The following CPSF6 variants were observed in gnomAD, a reference collection of about 807,000 sequenced individuals.
CPSF6 encodes cleavage and polyadenylation specificity factor subunit 6.
In CPSF6, 10 loss-of-function variants were observed where a neutral mutation model predicts 56.7. The observed-to-expected ratio is 0.18, with a 90% CI of 0.11 to 0.30. CPSF6 has a LOEUF of 0.30. Among genes scored for constraint, CPSF6 ranks in the 10% least tolerant of loss-of-function variants. The pLI, the probability that CPSF6 is intolerant of heterozygous loss-of-function variation, is 1.00. For synonymous variants in CPSF6, 248 were observed against 244.8 expected (o/e 1.01, Z -0.12); for missense variants, 419 against 722.9 (o/e 0.58, Z 4.82).
In CPSF6 at chr12:69,273,818, A is replaced by T. The variant is rs979528823; in HGVS notation, c.*4310A>T. 4 of 151,982 alleles carry T rather than the reference A, an allele frequency of 2.6e-5. No homozygotes were observed. Among genetic ancestry groups the T allele is most frequent in the Non-Finnish European group, 5.9e-5 (4 of 67,866 alleles). 9.4% of individuals were successfully genotyped at this position (151,982 alleles called of 1,614,324 possible). On this transcript the variant is annotated 3_prime_UTR_variant, in exon 10 of 10. Coordinates refer to ENST00000435070, the MANE Select transcript of CPSF6 (RefSeq NM_007007.3). Reference sequence around the variant, plus strand: ...AACATTGATAACTTTAGCCTTAAAAAAAAGGTCTATTATTCCTTCCTCTGC... The same window carrying T: ...AACATTGATAACTTTAGCCTTAAAATAAAGGTCTATTATTCCTTCCTCTGC...
intron 9 of CPSF6, among the ~76,000 whole-genome samples, chr12:69,266,624 T>A (rs900538754): frequency 5.9e-5 from 9 of 152,162 alleles, no homozygotes; most frequent in African/African-American, 1.9e-4. Context: ...AGAAACCTAA[T>A]AACCAAAAAG....
At chr12:69,242,346 T>C (rs371134211) in intron 1 of CPSF6, among the ~76,000 whole-genome samples, 2 of 152,218 alleles carry the variant, frequency 1.3e-5, no homozygotes, top group East Asian at 1.9e-4. Flanking sequence ...TGTCATACTT[T>C]TATGAAGCTT....
chr12:69,245,215 T>C lies in CPSF6; in HGVS notation c.60+5509T>C, dbSNP rs148020737. Among the ~76,000 whole-genome samples the C allele has an allele frequency of 7.5e-3, 1,148 of 152,304 alleles. 8 individuals are homozygous for C. The highest frequency in any genetic ancestry group is 0.026 in the African/African-American group (1,092 of 41,572). ...CTGTACATAATTGTATGTGCTATTC[T>C]TTTATATGACTGAGAGCACAGTAGG... On this transcript the variant is annotated intron_variant, in intron 1 of 9. Transcript: ENST00000435070.
At chr12:69,260,679 A>G (rs900242896) in intron 8 of CPSF6, among the ~76,000 whole-genome samples, 2 of 152,158 alleles carry the variant, frequency 1.3e-5, no homozygotes, top group East Asian at 3.8e-4. Context: ...TATTTCTTCC[A>G]TAGTACTTAC....
chr12:69,260,322 T>TG (rs1872691184), intron 8 of CPSF6, 125 bp downstream of exon 8: 4 of 704,486 alleles, frequency 5.7e-6, no homozygotes, highest in Non-Finnish European at 9.1e-6. Context: ...TGGAGTGGTT[T>TG]TTTTTTTTAA....
At position 69,239,612 on chromosome 12, in the gene CPSF6, G is replaced by T; in HGVS notation, c.-35G>T. On this transcript the variant is annotated 5_prime_UTR_variant, in exon 1 of 10. Transcript: ENST00000435070. The stretch of plus-strand genomic sequence containing the variant: ...GCCGCGGCGGGCAGACCTGCAGGAG[G>T]CGGCGGCGGCGGCGGCGGCCGAGGC... 1 of 1,330,684 alleles carries T rather than the reference G, an allele frequency of 7.5e-7. No individual in the cohort carries two copies. Among genetic ancestry groups the T allele is most frequent in the Non-Finnish European group, 1.0e-6 (1 of 989,990 alleles). The allele number at this position is 1,330,684 out of a possible 1,614,324, so 82.4% of individuals were successfully genotyped here.
chr12:69,256,962 C>A, intron 4 of CPSF6, 120 bp downstream of exon 4: 1 of 852,526 alleles, frequency 1.2e-6, no homozygotes, highest in Non-Finnish European at 1.8e-6. Flanking sequence ...TTCACAAAGT[C>A]CATGCTTTGA....
intron 1 of CPSF6, among the ~76,000 whole-genome samples, chr12:69,249,292 T>C (rs1872106107): frequency 6.6e-6 from 1 of 150,974 alleles, no homozygotes. Flanking sequence ...TAAATAAAAA[T>C]TAAAATTAAA....
At position 69,247,073 on chromosome 12, in the gene CPSF6, G is replaced by A. The variant is rs377067656; in HGVS notation, c.61-4056G>A. Among the ~76,000 whole-genome samples the A allele has an allele frequency of 8.5e-5, 13 of 152,284 alleles. No homozygotes were observed. The South Asian group carries it at 1.2e-3, about 15-fold the overall frequency. On this transcript the variant is annotated intron_variant, in intron 1 of 9. Transcript: ENST00000435070. Reference sequence around the variant, plus strand: ...AAGTTCATCCCAATAGTGGTATACAGTATGTATCGTATATCTGTGATATTA... The same window carrying A: ...AAGTTCATCCCAATAGTGGTATACAATATGTATCGTATATCTGTGATATTA...
At position 69,253,160 on chromosome 12, in the gene CPSF6, T is replaced by G; in HGVS notation, c.374+6T>G. ...GCAAATGGCCAGTCAAAGGGGTAAG[T>G]TTTTTTTTTCTTTCTTTTTGATTTA... is the stretch of plus-strand genomic sequence containing the variant. On this transcript the variant is annotated splice_donor_region_variant and intron_variant, in intron 3 of 9. Coordinates refer to ENST00000435070, the MANE Select transcript of CPSF6 (RefSeq NM_007007.3). The G allele has an allele frequency of 7.3e-7, 1 of 1,375,662 alleles. No individual in the cohort carries two copies. The highest frequency in any genetic ancestry group is 1.0e-6 in the Non-Finnish European group (1 of 995,982). 85.2% of individuals were successfully genotyped at this position (1,375,662 alleles called of 1,614,324 possible).
At chr12:69,259,949 T>C in intron 7 of CPSF6, 95 bp from the exon 8 acceptor site, 2 of 1,297,026 alleles carry the variant, frequency 1.5e-6, no homozygotes, top group Admixed American at 4.5e-5. Flanking sequence ...GCACAGTACT[T>C]TTGTAAAATG....
chr12:69,260,221 CATTTAAAAAAACTGTTAGTTTACAA>C, intron 8 of CPSF6, 24 bp downstream of exon 8: 2 of 1,503,980 alleles, frequency 1.3e-6, no homozygotes, highest in Non-Finnish European at 1.8e-6. Context: ...GTCTCATTTC[CATTTAAAAAAACTGTTAGTTTACAA>C]ATGGAAAAAA....
intron 9 of CPSF6, among the ~76,000 whole-genome samples, chr12:69,268,706 C>G (rs899097977): frequency 3.3e-5 from 5 of 151,692 alleles, no homozygotes; most frequent in Non-Finnish European, 5.9e-5. Flanking sequence ...TTGTGAACCT[C>G]TACCTGAAGT....
At chr12:69,259,165 G>T (rs1872639457) in intron 6 of CPSF6, 71 bp downstream of exon 6, 4 of 1,468,522 alleles carry the variant, frequency 2.7e-6, no homozygotes, top group Non-Finnish European at 3.6e-6. Context: ...ATATTAGATT[G>T]TAGGTATATA....
chr12:69,269,301 A>G (rs1335211934), intron 9 of CPSF6, among the ~76,000 whole-genome samples: 1 of 151,924 alleles, frequency 6.6e-6, no homozygotes, highest in Non-Finnish European at 1.5e-5. Context: ...TTTAAGAAGA[A>G]TGAAATCAGA....
At position 69,257,735 on chromosome 12, in the gene CPSF6, C is replaced by T; in HGVS notation, c.524C>T (p.Thr175Ile). The change falls in exon 5 of 10, where the codon ACA becomes ATA. Residue 175 changes from threonine to isoleucine, a missense_variant. Physicochemically the swap from Thr to Ile is moderately conservative, Grantham distance 89. This residue lies in a region of CPSF6 where 125 missense variants were observed against 216.4 expected (regional missense o/e 0.58). Transcript: ENST00000435070. ...SQFEMQSRKT[T>I]QSGQMSGEGK... ...ATGAGTATTTGGATATTTGCAGCTACACAATCAGGACAAATGTCTGGGGAA... is the reference window on the plus strand; with the variant it reads ...ATGAGTATTTGGATATTTGCAGCTATACAATCAGGACAAATGTCTGGGGAA... 1 of 1,605,642 alleles carries T rather than the reference C, an allele frequency of 6.2e-7. No homozygotes were observed. The highest frequency in any genetic ancestry group is 2.2e-5 in the East Asian group (1 of 44,806).
chr12:69,257,452 T>C (rs549143667), intron 4 of CPSF6, among the ~76,000 whole-genome samples: 10 of 152,240 alleles, frequency 6.6e-5, no homozygotes, highest in Non-Finnish European at 1.2e-4. Flanking sequence ...AAGATATCTG[T>C]TGAAGAATTT....
At chr12:69,268,064 AT>A (rs1342113392) in intron 9 of CPSF6, among the ~76,000 whole-genome samples, 1 of 151,796 alleles carries the variant, frequency 6.6e-6, no homozygotes, top group African/African-American at 2.4e-5. Flanking sequence ...TTGCAGTTAG[AT>A]TTATTAATTT....
chr12:69,246,169 C>T (rs1055827495), intron 1 of CPSF6, among the ~76,000 whole-genome samples: 1 of 152,136 alleles, frequency 6.6e-6, no homozygotes, highest in African/African-American at 2.4e-5. Context: ...TTAGGAGTTA[C>T]GGACCTGGAC....
Sources: allele counts gnomAD v4.1 joint callset (sites outside exome capture counted in the v4.1 genomes callset), GRCh38; gene constraint gnomAD v4.1.1; regional missense constraint gnomAD v4.1.1; transcripts MANE v1.5; gene names NCBI Gene and HGNC (gene_info 2026-07-23, HGNC 2026-07-21).